The following FREM2 variants were observed in gnomAD, a reference collection of about 807,000 sequenced individuals.
FREM2 encodes FRAS1 related extracellular matrix 2, also known as FRAS1-related extracellular matrix protein 2.
In FREM2, 119 loss-of-function variants were observed where a neutral mutation model predicts 219.9. That is an observed-to-expected ratio of 0.54 (90% confidence interval 0.47 to 0.63). The LOEUF is 0.63. FREM2 is among the 30% of genes least tolerant of loss of function. The pLI is 0.00. For missense variants in FREM2, 4,030 were observed against 3,993.6 expected (o/e 1.01, Z -0.25); for synonymous variants, 1,562 against 1,522.8 (o/e 1.03, Z -0.60).
chr13:38,851,926 C>A, intron 11 of FREM2, 58 bp downstream of exon 11: 1 of 1,445,326 alleles, frequency 6.9e-7, no homozygotes, highest in Non-Finnish European at 9.7e-7. Flanking sequence ...TGTTTCAGTG[C>A]CAGTGCCCTT....
chr13:38,759,439 C>T (rs1873142432), intron 2 of FREM2, among the ~76,000 whole-genome samples: 5 of 134,392 alleles, frequency 3.7e-5, no homozygotes, highest in African/African-American at 1.1e-4. Context: ...GTTTGGTATT[C>T]TTTGTTATTC....
chr13:38,870,300 G>A (rs1260503558), intron 16 of FREM2, among the ~76,000 whole-genome samples: 2 of 152,074 alleles, frequency 1.3e-5, no homozygotes, highest in African/African-American at 4.8e-5. Context: ...GAATAAATTT[G>A]ACAGTGTGTT....
intron 4 of FREM2, among the ~76,000 whole-genome samples, chr13:38,770,103 T>C (rs1873599555): frequency 6.8e-6 from 1 of 147,968 alleles, no homozygotes; most frequent in Non-Finnish European, 1.5e-5. Context: ...TTCCAGCTAG[T>C]ACAATTTTCA....
intron 6 of FREM2, among the ~76,000 whole-genome samples, chr13:38,791,063 C>T (rs1874540179): frequency 6.6e-6 from 1 of 152,262 alleles, no homozygotes; most frequent in Non-Finnish European, 1.5e-5. Context: ...ATGACTGAAA[C>T]AGCTTACTTC....
In FREM2 at chr13:38,884,212, G is replaced by A. The variant is rs1394104216; in HGVS notation, c.*3425G>A. On this transcript the variant is annotated 3_prime_UTR_variant, in exon 24 of 24. Transcript: ENST00000280481. ...GCTCAATATGAAGGGATTTAGTTCT[G>A]TAAGCAGCAAAAAAGCTTCTTTATC... 6.6e-6 allele frequency: 1 copy of A among 152,166 alleles called. No homozygotes were observed. Among genetic ancestry groups the A allele is most frequent in the Non-Finnish European group, 1.5e-5 (1 of 68,032 alleles). 9.4% of individuals were successfully genotyped at this position (152,166 alleles called of 1,614,324 possible).
intron 17 of FREM2, 68 bp from the exon 18 acceptor site, chr13:38,874,414 G>T: frequency 1.6e-6 from 2 of 1,255,332 alleles, no homozygotes; most frequent in Non-Finnish European, 2.3e-6. Flanking sequence ...TTAATTTTTG[G>T]AAGGAATCTG....
intron 2 of FREM2, among the ~76,000 whole-genome samples, chr13:38,729,584 A>T (rs1428808587): frequency 6.6e-6 from 1 of 152,166 alleles, no homozygotes; most frequent in Admixed American, 6.5e-5. Context: ...ACTCTCATTC[A>T]ACTTTTTTTT....
At chr13:38,706,494 G>A (rs1870545866) in intron 2 of FREM2, among the ~76,000 whole-genome samples, 1 of 152,080 alleles carries the variant, frequency 6.6e-6, no homozygotes, top group African/African-American at 2.4e-5. Flanking sequence ...TTTAAATTTA[G>A]GCATTAAGGA....
chr13:38,783,007 TG>T (rs1874176754), intron 4 of FREM2, 62 bp from the exon 5 acceptor site: 1 of 1,579,204 alleles, frequency 6.3e-7, no homozygotes, highest in African/African-American at 1.3e-5. Flanking sequence ...TAATTCTGTA[TG>T]ATTGTTTCAG....
intron 6 of FREM2, among the ~76,000 whole-genome samples, chr13:38,814,240 A>G (rs1875665040): frequency 6.6e-6 from 1 of 152,088 alleles, no homozygotes; most frequent in South Asian, 2.1e-4. Flanking sequence ...CCTGGATGGT[A>G]TTGATGCTTG....
At chr13:38,813,972 T>C (rs1875650648) in intron 6 of FREM2, among the ~76,000 whole-genome samples, 1 of 152,112 alleles carries the variant, frequency 6.6e-6, no homozygotes, top group African/African-American at 2.4e-5. Flanking sequence ...TCGATTCCAA[T>C]ATTAATAGAC....
chr13:38,881,017 A>G lies in FREM2; in HGVS notation c.*230A>G, dbSNP rs1878528341. ...CCCCAAAGGCAGCAACAACGTACTC[A>G]TATGTACACAGAGCCATGATGTGAG... On this transcript the variant is annotated 3_prime_UTR_variant, in exon 24 of 24. Coordinates refer to ENST00000280481, the MANE Select transcript of FREM2 (RefSeq NM_207361.6). 3.4e-6 allele frequency: 2 copies of G among 596,144 alleles called. No individual in the cohort carries two copies. Among genetic ancestry groups the G allele is most frequent in the Admixed American group, 2.5e-5 (1 of 39,668 alleles). The allele number at this position is 596,144 out of a possible 1,614,324, so 36.9% of individuals were successfully genotyped here.
intron 6 of FREM2, among the ~76,000 whole-genome samples, chr13:38,840,413 G>A (rs796219142): frequency 2.8e-4 from 41 of 145,994 alleles, no homozygotes; most frequent in African/African-American, 9.8e-4. Flanking sequence ...CACCTTGCCG[G>A]GATTTCTCCT....
chr13:38,732,511 G>A (rs1387476311), intron 2 of FREM2, among the ~76,000 whole-genome samples: 1 of 152,164 alleles, frequency 6.6e-6, no homozygotes, highest in Non-Finnish European at 1.5e-5. Flanking sequence ...TTCTGTGTAG[G>A]TTTTACTAGC....
chr13:38,802,614 C>G (rs1875060239), intron 6 of FREM2, among the ~76,000 whole-genome samples: 1 of 152,200 alleles, frequency 6.6e-6, no homozygotes, highest in Non-Finnish European at 1.5e-5. Context: ...CTCAGCCTGT[C>G]TCTGCCCCTC....
chr13:38,776,550 AT>A (rs1293946234), intron 4 of FREM2, among the ~76,000 whole-genome samples: 1 of 152,216 alleles, frequency 6.6e-6, no homozygotes. Flanking sequence ...GCAGTTACAA[AT>A]TGCAGTACTC....
intron 6 of FREM2, among the ~76,000 whole-genome samples, chr13:38,822,794 A>G (rs1593428774): frequency 6.6e-6 from 1 of 152,102 alleles, no homozygotes; most frequent in Non-Finnish European, 1.5e-5. Flanking sequence ...GCAGTAGAAG[A>G]TGTTAGGTTA....
At chr13:38,853,173 T>C (rs576901241) in intron 11 of FREM2, among the ~76,000 whole-genome samples, 4 of 151,404 alleles carry the variant, frequency 2.6e-5, no homozygotes, top group Admixed American at 6.6e-5. Flanking sequence ...ACTAAAAATA[T>C]AAAAATTAGC....
At chr13:38,842,654 C>T (rs967977465) in intron 6 of FREM2, among the ~76,000 whole-genome samples, 1 of 152,174 alleles carries the variant, frequency 6.6e-6, no homozygotes, top group Admixed American at 6.6e-5. Flanking sequence ...GGTCTATGCG[C>T]ACTTGAGTAA....
Sources: gnomAD v4.1 joint callset for allele counts (sites outside exome capture counted in the v4.1 genomes callset) on GRCh38, gnomAD v4.1.1 for gene constraint, MANE v1.5 for transcripts, NCBI Gene and HGNC (gene_info 2026-07-23, HGNC 2026-07-21) for gene names.